NEO1: variants seen among roughly 807,000 people sequenced by gnomAD.
The protein encoded by NEO1 is neogenin.
In NEO1, 63 loss-of-function variants were observed where a neutral mutation model predicts 159.7. The ratio of observed to expected loss-of-function variants is 0.39; its 90% CI spans 0.32 to 0.49. The LOEUF is 0.49. Ranked by LOEUF, NEO1 falls within the 20% of genes least tolerant of loss-of-function variation. The pLI is 0.85. For missense variants in NEO1, 1,615 were observed against 1,831.0 expected (o/e 0.88, Z 2.15); for synonymous variants, 633 against 662.0 (o/e 0.96, Z 0.67).
intron 1 of NEO1, among the ~76,000 whole-genome samples, chr15:73,076,708 CT>C (rs1210997504): frequency 6.6e-6 from 1 of 152,150 alleles, no homozygotes; most frequent in Admixed American, 6.5e-5. Flanking sequence ...CAGTCCCTGT[CT>C]TTTGTTAACT....
At chr15:73,095,084 C>A (rs1385667688) in intron 1 of NEO1, among the ~76,000 whole-genome samples, 1 of 151,978 alleles carries the variant, frequency 6.6e-6, no homozygotes, top group Admixed American at 6.6e-5. Context: ...TGGTGTGCAC[C>A]TGAAGTTTCA....
chr15:73,126,845 T>C (rs2030325263), intron 4 of NEO1, among the ~76,000 whole-genome samples: 2 of 152,054 alleles, frequency 1.3e-5, no homozygotes, highest in African/African-American at 4.8e-5. Context: ...CTTCCCTAAA[T>C]TGTTGCAAGA....
intron 1 of NEO1, among the ~76,000 whole-genome samples, chr15:73,115,053 T>C (rs577368228): frequency 6.9e-6 from 1 of 144,632 alleles, no homozygotes; most frequent in African/African-American, 2.6e-5. Flanking sequence ...CCTGAAACAC[T>C]TTTTTTTTTT....
In NEO1 at chr15:73,278,233, A is replaced by G. The variant is rs760029015; in HGVS notation, c.3262+34A>G. 12 of 1,588,896 alleles carry G rather than the reference A, an allele frequency of 7.6e-6. No individual in the cohort carries two copies. The Admixed American group carries it at 8.5e-5, about 11-fold the overall frequency. The stretch of plus-strand genomic sequence containing the variant: ...TTTCCCATGGCGTTTTTTGCTTACT[A>G]TGGACATGAAGCACTTTTGCTTAAA... On this transcript the variant is annotated intron_variant, in intron 22 of 28. Coordinates refer to ENST00000261908, the MANE Select transcript of NEO1 (RefSeq NM_002499.4).
chr15:73,232,418 A>G (rs914385149), intron 7 of NEO1, among the ~76,000 whole-genome samples: 17 of 152,244 alleles, frequency 1.1e-4, no homozygotes, highest in African/African-American at 4.1e-4. Flanking sequence ...CCTCAAGCCA[A>G]TAAGCCTACC....
At chr15:73,294,643 G>A (rs544011358) in intron 26 of NEO1, among the ~76,000 whole-genome samples, 104 of 152,104 alleles carry the variant, frequency 6.8e-4, no homozygotes, top group Non-Finnish European at 1.2e-3. Flanking sequence ...GGGTTCAAGC[G>A]ATTCTCCTGC....
chr15:73,188,880 C>T (rs1343783636), intron 7 of NEO1, among the ~76,000 whole-genome samples: 1 of 152,056 alleles, frequency 6.6e-6, no homozygotes, highest in East Asian at 1.9e-4. Flanking sequence ...ATTACTTGAG[C>T]CCAAAACTTC....
At chr15:73,159,426 C>G (rs1422595743) in intron 5 of NEO1, among the ~76,000 whole-genome samples, 2 of 151,906 alleles carry the variant, frequency 1.3e-5, no homozygotes, top group Non-Finnish European at 2.9e-5. Flanking sequence ...CTTTGTGTCT[C>G]GGTGTTGGGT....
At chr15:73,274,776 T>A (rs528230662) in intron 21 of NEO1, 52 bp downstream of exon 21, 1 of 1,529,844 alleles carries the variant, frequency 6.5e-7, no homozygotes, top group Admixed American at 2.0e-5. Context: ...TGACCTATTA[T>A]TAGCTTTTGG....
intron 18 of NEO1, among the ~76,000 whole-genome samples, chr15:73,271,026 A>T (rs1422361743): frequency 1.3e-5 from 2 of 152,164 alleles, no homozygotes; most frequent in Non-Finnish European, 2.9e-5. Context: ...TAGTCTAGGG[A>T]TATGCATAAC....
At chr15:73,164,152 C>T (rs948881623) in intron 5 of NEO1, among the ~76,000 whole-genome samples, 2 of 151,090 alleles carry the variant, frequency 1.3e-5, no homozygotes, top group Non-Finnish European at 1.5e-5. Context: ...CTCAGCCTCC[C>T]AAGTAGCTGG....
At chr15:73,089,125 C>A (rs2069534281) in intron 1 of NEO1, among the ~76,000 whole-genome samples, 1 of 152,072 alleles carries the variant, frequency 6.6e-6, no homozygotes, top group Admixed American at 6.6e-5. Flanking sequence ...AACCACTTAT[C>A]TTTCTGTCTC....
intron 23 of NEO1, among the ~76,000 whole-genome samples, chr15:73,284,369 C>A (rs2041855706): frequency 6.6e-6 from 1 of 152,128 alleles, no homozygotes; most frequent in Admixed American, 6.5e-5. Flanking sequence ...TAAATTTGTT[C>A]ATTTTCACTG....
intron 18 of NEO1, among the ~76,000 whole-genome samples, chr15:73,271,909 A>C (rs1242085544): frequency 3.4e-5 from 5 of 147,430 alleles, no homozygotes. Context: ...TCCATCTCAA[A>C]AAAAAAAAAA....
intron 7 of NEO1, among the ~76,000 whole-genome samples, chr15:73,225,126 G>T (rs1033190952): frequency 4.6e-5 from 7 of 152,274 alleles, no homozygotes; most frequent in Middle Eastern, 3.4e-3. Flanking sequence ...GGTACTGGGG[G>T]TTGTCTGCAC....
intron 16 of NEO1, among the ~76,000 whole-genome samples, chr15:73,268,055 T>C (rs2040996182): frequency 6.6e-6 from 1 of 152,206 alleles, no homozygotes; most frequent in African/African-American, 2.4e-5. Flanking sequence ...TATGTCACTC[T>C]ACTGCCATTA....
intron 2 of NEO1, 124 bp downstream of exon 2, chr15:73,116,981 AT>A (rs2071362568): frequency 2.6e-6 from 2 of 764,806 alleles, no homozygotes; most frequent in African/African-American, 3.5e-5. Context: ...TTTAACAGAT[AT>A]CAATTGTGCA....
At chr15:73,155,845 C>T (rs1567333477) in intron 5 of NEO1, among the ~76,000 whole-genome samples, 1 of 152,132 alleles carries the variant, frequency 6.6e-6, no homozygotes, top group Non-Finnish European at 1.5e-5. Context: ...TCATTGGTAT[C>T]CTAAATAGAT....
intron 15 of NEO1, among the ~76,000 whole-genome samples, chr15:73,262,615 C>G (rs1463100323): frequency 6.6e-6 from 1 of 152,110 alleles, no homozygotes; most frequent in African/African-American, 2.4e-5. Flanking sequence ...CAAATATCAA[C>G]AAGGATACAG....
Sources: gnomAD v4.1 joint callset for allele counts (sites outside exome capture counted in the v4.1 genomes callset) on GRCh38, gnomAD v4.1.1 for gene constraint, MANE v1.5 for transcripts, NCBI Gene and HGNC (gene_info 2026-07-23, HGNC 2026-07-21) for gene names.